The following HAUS7 variants were observed in gnomAD, a reference collection of about 807,000 sequenced individuals.
HAUS7 encodes HAUS augmin-like complex subunit 7.
Under a neutral mutation model 28.4 loss-of-function variants are expected in HAUS7, and 3 were observed. The ratio of observed to expected loss-of-function variants is 0.11; its 90% CI spans 0.05 to 0.27. The LOEUF is 0.27. HAUS7 is among the 10% of genes least tolerant of loss of function. The pLI, the probability that HAUS7 is intolerant of heterozygous loss-of-function variation, is 1.00. For synonymous variants in HAUS7, 165 were observed against 132.1 expected (o/e 1.25, Z -1.71); for missense variants, 284 against 297.3 (o/e 0.96, Z 0.33).
At position 153,462,635 on chromosome X, in the gene HAUS7, G is replaced by A. The variant is rs2089407034; in HGVS notation, c.329C>T (p.Ala110Val). 4.1e-6 allele frequency: 5 copies of A among 1,206,338 alleles called. No homozygotes were observed. The highest frequency in any genetic ancestry group is 3.0e-5 in the East Asian group (1 of 33,849). Residue 110 changes from alanine (A) to valine (V), a missense_variant, in exon 4 of 10, where the codon GCG becomes GTG. Transcript: ENST00000370211. ...TKLGHELMLC[A>V]PDDQELLKGC... ...CTTGAGGAGCTCCTGGTCATCTGGCGCACACAGCATCAGCTCGTGGCCCAG... is the reference window on the plus strand; with the variant it reads ...CTTGAGGAGCTCCTGGTCATCTGGCACACACAGCATCAGCTCGTGGCCCAG...
upstream of HAUS7, chrX:153,470,728 C>T (rs973648117): frequency 7.5e-5 from 52 of 692,808 alleles, no homozygotes; most frequent in African/African-American, 1.1e-3. Flanking sequence ...CTCCCACCCC[C>T]CGCCCCGGCA....
intron 8 of HAUS7, chrX:153,455,260 G>A (rs1356496116): frequency 2.1e-5 from 9 of 436,105 alleles, no homozygotes; most frequent in Non-Finnish European, 3.6e-5. Context: ...TGGAGGCTGG[G>A]ACACGCAGGA....
chrX:153,490,843 C>T (rs1373869922), intron 1 of HAUS7, among the ~76,000 whole-genome samples: 1 of 112,453 alleles, frequency 8.9e-6, no homozygotes, highest in Admixed American at 9.4e-5. Context: ...TCTCCCTGCC[C>T]CCCAGTCTTG....
chrX:153,452,183 A>G (rs2089247373), intron 9 of HAUS7, among the ~76,000 whole-genome samples: 1 of 112,244 alleles, frequency 8.9e-6, no homozygotes, highest in Admixed American at 9.4e-5. Flanking sequence ...CTATCCTTCA[A>G]AGATGAAGGA....
At chrX:153,449,261 T>A (rs1014783528) in intron 9 of HAUS7, among the ~76,000 whole-genome samples, 1 of 112,218 alleles carries the variant, frequency 8.9e-6, no homozygotes, top group East Asian at 2.8e-4. Context: ...CCTGAATCTG[T>A]CATCCTCTGC....
intron 9 of HAUS7, among the ~76,000 whole-genome samples, chrX:153,454,031 C>T (rs1374685945): frequency 9.0e-6 from 1 of 111,116 alleles, no homozygotes; most frequent in African/African-American, 3.3e-5. Flanking sequence ...GTTGCCCAGG[C>T]TGATCTCTAT....
intron 1 of HAUS7, among the ~76,000 whole-genome samples, chrX:153,492,473 C>A (rs1230217135): frequency 8.9e-6 from 1 of 112,517 alleles, no homozygotes; most frequent in Non-Finnish European, 1.9e-5. Flanking sequence ...GCAGTTATGG[C>A]TTATTGCAGA....
At chrX:153,465,566 G>C (rs781831578) in intron 2 of HAUS7, among the ~76,000 whole-genome samples, 8 of 112,591 alleles carry the variant, frequency 7.1e-5, no homozygotes, top group African/African-American at 2.6e-4. Context: ...TGCCGCAACA[G>C]AGTCTGTGGT....
intron 1 of HAUS7, among the ~76,000 whole-genome samples, chrX:153,485,391 C>G (rs1556988264): frequency 9.0e-6 from 1 of 111,710 alleles, no homozygotes; most frequent in Non-Finnish European, 1.9e-5. Flanking sequence ...ACCCTCTGAG[C>G]TCTGTCAGGT....
At chrX:153,478,402 T>A (rs1556986667) in intron 1 of HAUS7, among the ~76,000 whole-genome samples, 1 of 111,977 alleles carries the variant, frequency 8.9e-6, no homozygotes, top group Non-Finnish European at 1.9e-5. Context: ...GAGCCCAGCC[T>A]ATTTTCCACC....
At position 153,481,207 on chromosome X, in the gene HAUS7, C is replaced by T. The variant is rs73245885; in HGVS notation, c.-588-10062G>A. ...CTCAGAGCCCCCATTTGGGCCTTTG[C>T]CCTTGGTGCCAAGGGGAGGGGTCCC... On this transcript the variant is annotated intron_variant, in intron 1 of 5. Coordinates refer to the HAUS7 transcript ENST00000370210. Among the ~76,000 whole-genome samples the T allele has an allele frequency of 5.0e-3, 566 of 112,847 alleles. 4 individuals are homozygous for T. The highest frequency in any genetic ancestry group is 7.4e-3 in the Non-Finnish European group (393 of 53,188).
chrX:153,492,457 G>A lies in HAUS7; in HGVS notation c.-589+2917C>T, dbSNP rs180887991. ...CGAGTGACTCGGTGGGCCCCGGGCC[G>A]GGCGTGCAGTTATGGCTTATTGCAG... is the stretch of plus-strand genomic sequence containing the variant. On this transcript the variant is annotated intron_variant, in intron 1 of 5. Coordinates refer to the HAUS7 transcript ENST00000370210. Among the ~76,000 whole-genome samples, 68 of 112,248 alleles carry A rather than the reference G, an allele frequency of 6.1e-4. 1 individual carries two copies. Among genetic ancestry groups the A allele is most frequent in the East Asian group, 4.2e-3 (15 of 3,550 alleles).
intron 5 of HAUS7, chrX:153,456,880 G>A (rs2089320077): frequency 2.3e-6 from 1 of 440,903 alleles, no homozygotes; most frequent in Admixed American, 4.0e-5. Context: ...CTCTGTGCCT[G>A]GCCCGTCTGC....
intron 2 of HAUS7, 144 bp downstream of exon 2, chrX:153,469,002 G>T: frequency 2.2e-6 from 1 of 464,823 alleles, no homozygotes. Flanking sequence ...CTACACAGCT[G>T]TTCTCACGAG....
At position 153,457,226 on chromosome X, in the gene HAUS7, G is replaced by C. The variant is rs142983892; in HGVS notation, c.357C>G (p.Gly119=). 74 of 1,173,990 alleles carry C rather than the reference G, an allele frequency of 6.3e-5. No homozygotes were observed. The African/African-American group carries it at 1.1e-3, about 18-fold the overall frequency. Reference sequence around the variant, plus strand: ...GTAGCTGCTTCTGGGCGCAGGCACAGCCCTGGGCAAGGAAGACCACAGACA... The same window carrying C: ...GTAGCTGCTTCTGGGCGCAGGCACACCCCTGGGCAAGGAAGACCACAGACA... ...CAPDDQELLK[G]CACAQKQLHF... The change falls in exon 5 of 10, where the codon GGC becomes GGG. Residue 119 remains glycine, a splice_region_variant and synonymous_variant. Coordinates refer to ENST00000370211, the MANE Select transcript of HAUS7 (RefSeq NM_001385482.1).
chrX:153,475,576 C>T (rs1556986120), upstream of HAUS7, among the ~76,000 whole-genome samples: 1 of 112,201 alleles, frequency 8.9e-6, no homozygotes, highest in Non-Finnish European at 1.9e-5. Context: ...GAAAATGGGG[C>T]TTTTTTCTTC....
intron 1 of HAUS7, among the ~76,000 whole-genome samples, chrX:153,491,889 C>T (rs1408846605): frequency 8.8e-6 from 1 of 113,171 alleles, no homozygotes; most frequent in Non-Finnish European, 1.9e-5. Flanking sequence ...CTGGTGCCAG[C>T]AGGACCTTCT....
intron 8 of HAUS7, chrX:153,455,338 C>A (rs1391966558): frequency 1.8e-5 from 8 of 444,049 alleles, no homozygotes; most frequent in Non-Finnish European, 3.1e-5. Context: ...AGAAGCAGCA[C>A]CTCCCCAGCC....
chrX:153,486,008 C>T (rs1556988462), intron 1 of HAUS7: 1 of 979,508 alleles, frequency 1.0e-6, no homozygotes, highest in Non-Finnish European at 1.3e-6. Flanking sequence ...GGAGCTGCTC[C>T]TGGATCATAA....
Sources: gnomAD v4.1 joint callset for allele counts (sites outside exome capture counted in the v4.1 genomes callset) on GRCh38, gnomAD v4.1.1 for gene constraint, MANE v1.5 for transcripts, NCBI Gene and HGNC (gene_info 2026-07-23, HGNC 2026-07-21) for gene names.